Variants in KCNMA1 observed in about 807,000 individuals in gnomAD.
KCNMA1 encodes the protein potassium calcium-activated channel subfamily M alpha 1, also known as Calcium-activated potassium channel subunit alpha-1.
Under a neutral mutation model 140.0 loss-of-function variants are expected in KCNMA1, and 29 were observed. The observed-to-expected ratio is 0.21, with a 90% CI of 0.15 to 0.28. KCNMA1 has a LOEUF of 0.28. Among genes scored for constraint, KCNMA1 ranks in the 10% least tolerant of loss-of-function variants. KCNMA1 has a pLI of 1.00. For synonymous variants in KCNMA1, 612 were observed against 611.9 expected (o/e 1.00, Z 0.00); for missense variants, 880 against 1,602.2 (o/e 0.55, Z 7.70).
At chr10:77,224,804 C>T (rs1026915892) in intron 3 of KCNMA1, among the ~76,000 whole-genome samples, 2 of 152,088 alleles carry the variant, frequency 1.3e-5, no homozygotes, top group African/African-American at 2.4e-5. Context: ...CATCAAATGT[C>T]GATGATGACA....
chr10:77,600,519 C>A (rs1269192188), intron 1 of KCNMA1, among the ~76,000 whole-genome samples: 2 of 152,180 alleles, frequency 1.3e-5, no homozygotes, highest in African/African-American at 4.8e-5. Flanking sequence ...GATGCCAAGG[C>A]AGGTGGATCA....
At chr10:76,888,257 A>G (rs545529894) in intron 27 of KCNMA1, 33 of 152,720 alleles carry the variant, frequency 2.2e-4, no homozygotes, top group African/African-American at 7.9e-4. Context: ...GGGTCCAGCA[A>G]TCTGTGGTTG....
chr10:77,422,619 G>A (rs1175787477), intron 1 of KCNMA1, among the ~76,000 whole-genome samples: 1 of 152,190 alleles, frequency 6.6e-6, no homozygotes, highest in African/African-American at 2.4e-5. Flanking sequence ...GTGAAGGTAA[G>A]CCTTATTTGG....
intron 3 of KCNMA1, chr10:77,217,548 G>A (rs2048198741): frequency 4.4e-6 from 2 of 456,556 alleles, no homozygotes; most frequent in Non-Finnish European, 8.8e-6. Flanking sequence ...TTGCCATGAA[G>A]TCTCCAGGAG....
At chr10:77,420,703 C>T (rs961820358) in intron 1 of KCNMA1, among the ~76,000 whole-genome samples, 1 of 152,092 alleles carries the variant, frequency 6.6e-6, no homozygotes, top group African/African-American at 2.4e-5. Flanking sequence ...TATCAGGGTC[C>T]AAGAGCACAG....
intron 1 of KCNMA1, among the ~76,000 whole-genome samples, chr10:77,477,044 G>A (rs1171950973): frequency 6.6e-6 from 1 of 152,148 alleles, no homozygotes; most frequent in African/African-American, 2.4e-5. Flanking sequence ...GCATCTGAAG[G>A]CAGGACACCT....
intron 1 of KCNMA1, among the ~76,000 whole-genome samples, chr10:77,450,297 C>A (rs2097614413): frequency 6.6e-6 from 1 of 152,120 alleles, no homozygotes; most frequent in Non-Finnish European, 1.5e-5. Flanking sequence ...CTGAGGTGAT[C>A]CACCTGCCTC....
chr10:77,002,013 G>A (rs997653284), intron 18 of KCNMA1, among the ~76,000 whole-genome samples: 1 of 152,118 alleles, frequency 6.6e-6, no homozygotes, highest in Non-Finnish European at 1.5e-5. Context: ...TATAATAAAT[G>A]GTTTTTGCAA....
chr10:76,929,391 A>C (rs1349034110), intron 23 of KCNMA1, among the ~76,000 whole-genome samples: 1 of 152,142 alleles, frequency 6.6e-6, no homozygotes, highest in Admixed American at 6.5e-5. Flanking sequence ...GACCTCTCAA[A>C]TGGACACCCC....
intron 5 of KCNMA1, among the ~76,000 whole-genome samples, chr10:77,161,540 TGATG>T (rs2098554506): frequency 6.6e-6 from 1 of 152,152 alleles, no homozygotes; most frequent in Non-Finnish European, 1.5e-5. Flanking sequence ...CCACCATGCC[TGATG>T]GAGTTTTAAT....
At position 77,168,493 on chromosome 10, in the gene KCNMA1, C is replaced by T. The variant is rs114217358; in HGVS notation, c.808+14928G>A. 9.3e-3 allele frequency among the ~76,000 whole-genome samples: 1,420 copies of T among 152,222 alleles called. 19 individuals carry two copies. Among genetic ancestry groups the T allele is most frequent in the African/African-American group, 0.033 (1,370 of 41,544 alleles). ...GCTCCTAAGCTACAAATTTGTACAG[C>T]ATTACTGTACTGAATACTGCAAGCA... On this transcript the variant is annotated intron_variant, in intron 5 of 27. Transcript: ENST00000286628.
downstream of KCNMA1, chr10:76,877,569 T>C (rs192090983): frequency 1.0e-3 from 590 of 562,314 alleles, no homozygotes; most frequent in Admixed American, 2.9e-3. Context: ...CCAAAATACA[T>C]GGAAGCAATA....
chr10:77,072,603 G>A lies in KCNMA1; in HGVS notation c.1749+494C>T, dbSNP rs539519473. On this transcript the variant is annotated intron_variant, in intron 14 of 27. Coordinates refer to ENST00000286628, the MANE Select transcript of KCNMA1 (RefSeq NM_001161352.2). Reference sequence around the variant, plus strand: ...TGTTTCGCTCTCCATTCAAACAACCGCGGCATGTCAGTCCTGCTGGCCTCC... The same window carrying A: ...TGTTTCGCTCTCCATTCAAACAACCACGGCATGTCAGTCCTGCTGGCCTCC... 7.2e-5 allele frequency among the ~76,000 whole-genome samples: 11 copies of A among 152,192 alleles called. No homozygotes were observed. The South Asian group carries it at 1.2e-3, about 17-fold the overall frequency.
At chr10:77,458,247 C>T (rs577141573) in intron 1 of KCNMA1, among the ~76,000 whole-genome samples, 3 of 152,246 alleles carry the variant, frequency 2.0e-5, no homozygotes, top group Non-Finnish European at 2.9e-5. Context: ...GGCACCTTCC[C>T]TCCTCACTGT....
chr10:77,329,833 C>T (rs574851308), intron 2 of KCNMA1, among the ~76,000 whole-genome samples: 1 of 152,166 alleles, frequency 6.6e-6, no homozygotes, highest in Non-Finnish European at 1.5e-5. Flanking sequence ...TGCTTCACCT[C>T]TTTGTCCCTC....
At chr10:76,948,252 C>T (rs546243396) in intron 22 of KCNMA1, among the ~76,000 whole-genome samples, 8 of 152,244 alleles carry the variant, frequency 5.3e-5, no homozygotes, top group East Asian at 1.9e-4. Flanking sequence ...GTGGTCCTCC[C>T]GCCTCAGCAT....
intron 3 of KCNMA1, among the ~76,000 whole-genome samples, chr10:77,199,605 T>C (rs1431463915): frequency 1.3e-5 from 2 of 152,172 alleles, no homozygotes; most frequent in African/African-American, 4.8e-5. Context: ...TTATGATCAG[T>C]AGTACTCAAA....
At chr10:77,514,634 T>A (rs1444297675) in intron 1 of KCNMA1, among the ~76,000 whole-genome samples, 3 of 152,146 alleles carry the variant, frequency 2.0e-5, no homozygotes, top group Non-Finnish European at 4.4e-5. Context: ...GAGAGAACCA[T>A]CTCAGACATT....
At chr10:77,081,715 C>G (rs942118925) in intron 12 of KCNMA1, among the ~76,000 whole-genome samples, 2 of 152,156 alleles carry the variant, frequency 1.3e-5, no homozygotes, top group Non-Finnish European at 2.9e-5. Context: ...CGTTGGCCCA[C>G]GCTTATAACT....
Sources: gnomAD v4.1 joint callset for allele counts (sites outside exome capture counted in the v4.1 genomes callset) on GRCh38, gnomAD v4.1.1 for gene constraint, MANE v1.5 for transcripts, NCBI Gene and HGNC (gene_info 2026-07-23, HGNC 2026-07-21) for gene names.